MORC1: variants seen among roughly 807,000 people sequenced by gnomAD.
MORC1 encodes MORC family CW-type zinc finger 1.
MORC1 carries 59 observed loss-of-function variants against 134.9 expected under a neutral mutation model. That is an observed-to-expected ratio of 0.44 (90% CI 0.35 to 0.54). The LOEUF (loss-of-function observed/expected upper bound fraction) is 0.54, where lower values mean the gene tolerates loss of function less well. Ranked by LOEUF, MORC1 falls within the 20% of genes least tolerant of loss-of-function variation. The pLI is 0.00. For synonymous variants in MORC1, 395 were observed against 391.7 expected (o/e 1.01, Z -0.10); for missense variants, 947 against 1,134.5 (o/e 0.83, Z 2.37).
At chr3:108,978,553 T>C (rs982876036) in intron 24 of MORC1, among the ~76,000 whole-genome samples, 1 of 152,084 alleles carries the variant, frequency 6.6e-6, no homozygotes, top group Non-Finnish European at 1.5e-5. Flanking sequence ...ATCTGTGGAA[T>C]TGAGTTCAAG....
chr3:109,075,569 T>C (rs550223344), intron 8 of MORC1, among the ~76,000 whole-genome samples: 1 of 152,334 alleles, frequency 6.6e-6, no homozygotes, highest in South Asian at 2.1e-4. Flanking sequence ...CTTTCCACAT[T>C]GCCTGTTTTT....
intron 1 of MORC1, among the ~76,000 whole-genome samples, chr3:109,115,128 GA>G (rs1289778712): frequency 6.6e-6 from 1 of 152,168 alleles, no homozygotes; most frequent in Non-Finnish European, 1.5e-5. Flanking sequence ...ATGTCCTGAT[GA>G]GGCATATTTC....
At chr3:109,067,346 T>G (rs1313702843) in intron 9 of MORC1, among the ~76,000 whole-genome samples, 1 of 152,190 alleles carries the variant, frequency 6.6e-6, no homozygotes, top group East Asian at 1.9e-4. Flanking sequence ...TTAAGAGACC[T>G]GAGAAATCAC....
At chr3:109,029,392 C>A (rs1408227083) in intron 16 of MORC1, among the ~76,000 whole-genome samples, 1 of 152,110 alleles carries the variant, frequency 6.6e-6, no homozygotes, top group Non-Finnish European at 1.5e-5. Flanking sequence ...AGGAAGAAAC[C>A]TCAAGCATTT....
At chr3:109,025,559 T>C (rs1347822066) in intron 17 of MORC1, among the ~76,000 whole-genome samples, 1 of 151,920 alleles carries the variant, frequency 6.6e-6, no homozygotes, top group Non-Finnish European at 1.5e-5. Flanking sequence ...TTTTTTGTAT[T>C]TTCTGTAGAG....
At chr3:109,107,557 C>T (rs182892555) in intron 3 of MORC1, among the ~76,000 whole-genome samples, 1 of 152,272 alleles carries the variant, frequency 6.6e-6, no homozygotes, top group Admixed American at 6.5e-5. Context: ...GTATAAAACA[C>T]CACGGGAAAC....
intron 3 of MORC1, among the ~76,000 whole-genome samples, chr3:109,108,768 C>T (rs1249877196): frequency 2.0e-5 from 3 of 151,988 alleles, no homozygotes; most frequent in South Asian, 2.1e-4. Context: ...GGCATGGTGG[C>T]GGGCACATGT....
At chr3:108,996,286 G>GCGCACACACACACACACA in intron 21 of MORC1, among the ~76,000 whole-genome samples, 15 of 146,466 alleles carry the variant, frequency 1.0e-4, no homozygotes, top group African/African-American at 3.8e-4. Context: ...GCGCGCGCGC[G>GCGCACACACACACACACA]CACACACACA....
chr3:109,046,409 G>T (rs565616216), intron 14 of MORC1, among the ~76,000 whole-genome samples: 1 of 152,128 alleles, frequency 6.6e-6, no homozygotes, highest in Non-Finnish European at 1.5e-5. Context: ...GCTCTCCTTT[G>T]GATATATTCC....
At chr3:109,094,779 A>G in intron 7 of MORC1, 130 bp downstream of exon 7, 1 of 847,806 alleles carries the variant, frequency 1.2e-6, no homozygotes, top group East Asian at 3.3e-5. Context: ...GATAAAATAA[A>G]TGACTGTCCC....
chr3:108,972,106 C>G (rs975584498), intron 24 of MORC1, among the ~76,000 whole-genome samples: 7 of 152,232 alleles, frequency 4.6e-5, no homozygotes, highest in East Asian at 1.9e-4. Flanking sequence ...ATACATGGAC[C>G]CTGCTCTTTC....
At chr3:109,081,135 G>A (rs1349323503) in intron 8 of MORC1, among the ~76,000 whole-genome samples, 1 of 152,040 alleles carries the variant, frequency 6.6e-6, no homozygotes, top group Non-Finnish European at 1.5e-5. Context: ...TCATGGTTAA[G>A]GAAAGCATTT....
intron 9 of MORC1, among the ~76,000 whole-genome samples, chr3:109,067,742 G>A (rs571319710): frequency 1.3e-5 from 2 of 152,078 alleles, no homozygotes; most frequent in African/African-American, 2.4e-5. Context: ...TCTCAGGATT[G>A]GTATATTTTA....
intron 27 of MORC1, among the ~76,000 whole-genome samples, chr3:108,963,203 A>T (rs1248742092): frequency 6.6e-6 from 1 of 152,004 alleles, no homozygotes; most frequent in Non-Finnish European, 1.5e-5. Flanking sequence ...AAAAAAAAAA[A>T]AGATACGAAA....
intron 8 of MORC1, among the ~76,000 whole-genome samples, chr3:109,085,225 A>G (rs542634925): frequency 6.6e-6 from 1 of 151,876 alleles, no homozygotes; most frequent in East Asian, 1.9e-4. Flanking sequence ...TAAGAACTCA[A>G]AAGCAAAGGT....
chr3:109,012,120 T>C (rs1043003080), intron 17 of MORC1, among the ~76,000 whole-genome samples: 7 of 152,314 alleles, frequency 4.6e-5, no homozygotes, highest in South Asian at 4.1e-4. Flanking sequence ...TAATGTTGTA[T>C]ATGACAGGAG....
At chr3:109,022,908 A>G (rs1948992164) in intron 17 of MORC1, among the ~76,000 whole-genome samples, 1 of 152,252 alleles carries the variant, frequency 6.6e-6, no homozygotes, top group South Asian at 2.1e-4. Context: ...GATGAGACAC[A>G]TAAGTAACTA....
chr3:109,037,714 T>C (rs933829718), intron 14 of MORC1, among the ~76,000 whole-genome samples: 5 of 152,222 alleles, frequency 3.3e-5, no homozygotes, highest in African/African-American at 1.2e-4. Context: ...GTCCTTGTTA[T>C]AGTTTGCTCA....
intron 16 of MORC1, among the ~76,000 whole-genome samples, chr3:109,028,856 C>T (rs147743701): frequency 2.6e-5 from 4 of 152,208 alleles, no homozygotes; most frequent in Admixed American, 1.3e-4. Flanking sequence ...TGTCGTAAGA[C>T]GCTGAGGTCA....
Sources: gnomAD v4.1 joint callset for allele counts (sites outside exome capture counted in the v4.1 genomes callset) on GRCh38, gnomAD v4.1.1 for gene constraint, MANE v1.5 for transcripts, NCBI Gene and HGNC (gene_info 2026-07-23, HGNC 2026-07-21) for gene names.